The following RABEP2 variants were observed in gnomAD, a reference collection of about 807,000 sequenced individuals.
RABEP2 encodes the protein rabaptin, RAB GTPase binding effector protein 2.
A neutral mutation model predicts 74.1 loss-of-function variants in RABEP2; 57 were observed. That is an observed-to-expected ratio of 0.77 (90% CI 0.62 to 0.96). RABEP2 has a LOEUF of 0.96. RABEP2 is among the 40% of genes least tolerant of loss of function. The probability of loss-of-function intolerance (pLI) is 0.00; values close to 1 mark genes in which losing one functional copy is unlikely to be tolerated. For missense variants in RABEP2, 692 were observed against 756.3 expected (o/e 0.91, Z 1.00); for synonymous variants, 351 against 344.0 (o/e 1.02, Z -0.23).
chr16:28,913,623 G>A (rs1477412214), intron 5 of RABEP2, among the ~76,000 whole-genome samples: 4 of 149,562 alleles, frequency 2.7e-5, no homozygotes, highest in African/African-American at 9.9e-5. Context: ...CTGGGATTAC[G>A]GGCATGCGCC....
chr16:28,924,862 C>T (rs1249828160), intron 1 of RABEP2: 1 of 737,390 alleles, frequency 1.4e-6, no homozygotes, highest in East Asian at 2.7e-5. Flanking sequence ...CTGGCCCCGC[C>T]CTCCTAGTGG....
Position 28,910,993 on chromosome 16 carries a change from T to C in RABEP2, c.991-7A>G, listed in dbSNP as rs530084440. 1.2e-4 allele frequency: 186 copies of C among 1,610,272 alleles called. 1 individual carries two copies. In the South Asian group the frequency reaches 2.0e-3, roughly 17 times the overall value. On this transcript the variant is annotated splice_region_variant and splice_polypyrimidine_tract_variant and intron_variant, in intron 6 of 12. Transcript: ENST00000358201. Reference sequence around the variant, plus strand: ...GGGCCAGGAGCACCTGCATCTGGGTTGGAGGGAGGGCGAAAGTGAGGGCAA... The same window carrying C: ...GGGCCAGGAGCACCTGCATCTGGGTCGGAGGGAGGGCGAAAGTGAGGGCAA...
intron 8 of RABEP2, among the ~76,000 whole-genome samples, chr16:28,908,241 A>T (rs994217949): frequency 1.6e-4 from 19 of 117,410 alleles, no homozygotes; most frequent in African/African-American, 7.1e-4. Flanking sequence ...GCGCCTGGCT[A>T]ATAAGCCATA....
chr16:28,907,300 G>A (rs939839816), intron 8 of RABEP2, among the ~76,000 whole-genome samples: 3 of 151,816 alleles, frequency 2.0e-5, no homozygotes, highest in African/African-American at 7.3e-5. Flanking sequence ...GGGACTGCAG[G>A]TGGAGGCCAC....
At position 28,904,563 on chromosome 16, in the gene RABEP2, G is replaced by T. The variant is rs1009204635; in HGVS notation, c.*380C>A. On this transcript the variant is annotated 3_prime_UTR_variant, in exon 13 of 13. Transcript: ENST00000358201. ...GAAGGCAGCTGCCTGTCCCAGGGCC[G>T]GGGCCCACCTCACTGCCTCTGATGG... is the stretch of plus-strand genomic sequence containing the variant. The T allele has an allele frequency of 1.4e-6, 2 of 1,382,670 alleles. No homozygotes were observed. Among genetic ancestry groups the T allele is most frequent in the Non-Finnish European group, 1.9e-6 (2 of 1,044,202 alleles). 85.7% of individuals were successfully genotyped at this position (1,382,670 alleles called of 1,614,324 possible).
Position 28,911,080 on chromosome 16 carries a change from C to T in RABEP2, c.990+4G>A. The stretch of plus-strand genomic sequence containing the variant: ...CTGGGGCTGCAGCAGCGGCAGGGAC[C>T]CACCTGCTTGGCACAGTCCTCATTG... On this transcript the variant is annotated splice_donor_region_variant and intron_variant, in intron 6 of 12. Transcript: ENST00000358201. The T allele has an allele frequency of 6.2e-7, 1 of 1,612,986 alleles. No individual in the cohort carries two copies. Among genetic ancestry groups the T allele is most frequent in the Non-Finnish European group, 8.5e-7 (1 of 1,179,824 alleles).
Position 28,906,071 on chromosome 16 carries a change from T to G in RABEP2, c.1371A>C (p.Thr457=). The change falls in exon 9 of 13, where the codon ACA becomes ACC. Residue 457 remains threonine (T), a synonymous_variant. Coordinates refer to ENST00000358201, the MANE Select transcript of RABEP2 (RefSeq NM_024816.3). The part of the protein sequence containing the change: ...VTLREALEEE[T]VARASLEGQL... ...GCCCCTCCAGGCTGGCCCTGGCCAC[T>G]GTCTCCTCCTCCAGAGCCTCCCGCA... 6.3e-7 allele frequency: 1 copy of G among 1,599,482 alleles called. No homozygotes were observed. The highest frequency in any genetic ancestry group is 8.5e-7 in the Non-Finnish European group (1 of 1,173,848).
intron 2 of RABEP2, 60 bp from the exon 3 acceptor site, chr16:28,920,003 G>A: frequency 6.7e-7 from 1 of 1,486,068 alleles, no homozygotes; most frequent in Non-Finnish European, 9.0e-7. Context: ...CCTGCCTGTG[G>A]GCGAGCAGGG....
intron 2 of RABEP2, among the ~76,000 whole-genome samples, chr16:28,920,848 C>G (rs549184490): frequency 4.0e-5 from 6 of 151,774 alleles, no homozygotes; most frequent in Admixed American, 6.6e-5. Context: ...CCTCTCCCCC[C>G]ACCCCACCAC....
At chr16:28,910,809 C>T in intron 7 of RABEP2, 79 bp downstream of exon 7, 1 of 1,272,112 alleles carries the variant, frequency 7.9e-7, no homozygotes, top group Non-Finnish European at 1.1e-6. Context: ...CTTGACTTCC[C>T]ACGTGCCCCC....
intron 2 of RABEP2, chr16:28,924,114 T>A (rs1964502405): frequency 4.5e-6 from 2 of 443,978 alleles, no homozygotes; most frequent in Middle Eastern, 1.3e-3. Context: ...TTCTCGCCCA[T>A]CTTCAGGGTT....
intron 2 of RABEP2, among the ~76,000 whole-genome samples, chr16:28,923,384 G>A (rs1047771937): frequency 2.0e-5 from 3 of 151,384 alleles, no homozygotes; most frequent in Admixed American, 6.6e-5. Context: ...GTGCTGTGAC[G>A]CACTCCAGCT....
At position 28,924,633 on chromosome 16, in the gene RABEP2, C is replaced by A; in HGVS notation, c.62-18G>T. ...CTCCAGTGCTGTGGGGGACAGGGATCAGCCTCTCTTCCCATCTCTTACCCC... is the reference window on the plus strand; with the variant it reads ...CTCCAGTGCTGTGGGGGACAGGGATAAGCCTCTCTTCCCATCTCTTACCCC... On this transcript the variant is annotated intron_variant, in intron 1 of 12. Transcript: ENST00000358201. 1.2e-6 allele frequency: 2 copies of A among 1,601,254 alleles called. No individual in the cohort carries two copies. Among genetic ancestry groups the A allele is most frequent in the Non-Finnish European group, 1.7e-6 (2 of 1,176,012 alleles).
At chr16:28,910,501 C>G (rs367763245) in intron 7 of RABEP2, 165 of 161,778 alleles carry the variant, frequency 1.0e-3, no homozygotes, top group African/African-American at 3.7e-3. Context: ...GCTCGAACTC[C>G]TGACCTCAGG....
chr16:28,905,123 G>A (rs1463677086), intron 12 of RABEP2, 79 bp from the exon 13 acceptor site: 12 of 1,272,160 alleles, frequency 9.4e-6, no homozygotes, highest in East Asian at 2.5e-5. Flanking sequence ...CCCCAAGGGC[G>A]GGGCCTGGTA....
intron 2 of RABEP2, among the ~76,000 whole-genome samples, chr16:28,921,529 G>C (rs1964467725): frequency 6.6e-6 from 1 of 152,006 alleles, no homozygotes; most frequent in South Asian, 2.1e-4. Flanking sequence ...GGCGCCCAAG[G>C]AGAGACACTG....
At chr16:28,910,285 C>CT (rs78532991) in intron 7 of RABEP2, 8,634 of 133,122 alleles carry the variant, frequency 0.065, 404 homozygotes, top group Admixed American at 0.15. Context: ...ATCTGATTTG[C>CT]TTTTTTTTTT....
At chr16:28,913,778 CTTTT>C (rs1163826105) in intron 5 of RABEP2, among the ~76,000 whole-genome samples, 4 of 120,464 alleles carry the variant, frequency 3.3e-5, no homozygotes, top group Admixed American at 9.3e-5. Context: ...CACCCGGCCT[CTTTT>C]TTTTTTTTTT....
Position 28,924,321 on chromosome 16 carries a change from T to C in RABEP2, c.274+82A>G. 14 of 1,384,294 alleles carry C rather than the reference T, an allele frequency of 1.0e-5. No individual in the cohort carries two copies. The South Asian group carries it at 1.7e-4, about 17-fold the overall frequency. The allele number at this position is 1,384,294 out of a possible 1,614,324, so 85.8% of individuals were successfully genotyped here. ...AGCCCTGCTAACCTATCCCATAGCT[T>C]ATCTGTGCCCCCAATCCCTTTCTCG... On this transcript the variant is annotated intron_variant, in intron 2 of 12. Coordinates refer to ENST00000358201, the MANE Select transcript of RABEP2 (RefSeq NM_024816.3).
Sources: allele counts gnomAD v4.1 joint callset (sites outside exome capture counted in the v4.1 genomes callset), GRCh38; gene constraint gnomAD v4.1.1; transcripts MANE v1.5; gene names NCBI Gene and HGNC (gene_info 2026-07-23, HGNC 2026-07-21).